HDAC9: variants seen among roughly 807,000 people sequenced by gnomAD.
HDAC9 encodes the protein MEF-2 interacting transcription repressor (MITR) protein.
HDAC9 carries 41 observed loss-of-function variants against 139.4 expected under a neutral mutation model. The ratio of observed to expected loss-of-function variants is 0.29; its 90% CI spans 0.23 to 0.38. The LOEUF is 0.38. Ranked by LOEUF, HDAC9 falls within the 10% of genes least tolerant of loss-of-function variation. The pLI, the probability that HDAC9 is intolerant of heterozygous loss-of-function variation, is 1.00. For missense variants in HDAC9, 1,147 were observed against 1,297.0 expected (o/e 0.88, Z 1.78); for synonymous variants, 517 against 476.2 (o/e 1.09, Z -1.12).
intron 6 of HDAC9, among the ~76,000 whole-genome samples, chr7:18,625,946 C>CAAAAAAAA (rs11312304): frequency 1.6e-5 from 1 of 60,944 alleles, no homozygotes; most frequent in African/African-American, 8.5e-5. Context: ...GACTCCATCT[C>CAAAAAAAA]AAAAAAAAAA....
intron 6 of HDAC9, among the ~76,000 whole-genome samples, chr7:18,606,792 T>C (rs1409880551): frequency 6.6e-6 from 1 of 152,166 alleles, no homozygotes; most frequent in Non-Finnish European, 1.5e-5. Context: ...AAAGAACATA[T>C]TTAGTTGATT....
intron 2 of HDAC9, among the ~76,000 whole-genome samples, chr7:18,534,727 A>C (rs1291506172): frequency 6.6e-6 from 1 of 152,088 alleles, no homozygotes; most frequent in African/African-American, 2.4e-5. Context: ...GTGGAACTGC[A>C]CTCGATCCAC....
intron 23 of HDAC9, among the ~76,000 whole-genome samples, chr7:18,937,316 G>A (rs1781713534): frequency 1.3e-5 from 2 of 152,058 alleles, no homozygotes; most frequent in African/African-American, 4.8e-5. Context: ...GGAATTACAG[G>A]CCTGAACCAC....
At position 18,575,379 on chromosome 7, in the gene HDAC9, G is replaced by C. The variant is rs114971219; in HGVS notation, c.23-9902G>C. 5.4e-3 allele frequency among the ~76,000 whole-genome samples: 827 copies of C among 152,264 alleles called. 8 individuals carry two copies. Among genetic ancestry groups the C allele is most frequent in the African/African-American group, 0.019 (801 of 41,556 alleles). On this transcript the variant is annotated intron_variant, in intron 2 of 25. Transcript: ENST00000686413. ...TCTTAGCTTAGCTTGCAGCTTACCA[G>C]TTCTGGTGTAATTTTCAGTAATATA...
chr7:18,475,569 T>A (rs1795052441), intron 1 of HDAC9, among the ~76,000 whole-genome samples: 1 of 152,184 alleles, frequency 6.6e-6, no homozygotes, highest in African/African-American at 2.4e-5. Context: ...AACATGGAGA[T>A]GCATTTTTTT....
At chr7:18,489,163 T>G (rs1796185548) in intron 1 of HDAC9, among the ~76,000 whole-genome samples, 1 of 152,072 alleles carries the variant, frequency 6.6e-6, no homozygotes, top group Non-Finnish European at 1.5e-5. Flanking sequence ...AGTGACATAC[T>G]ATGTGCCAGA....
chr7:18,588,110 A>C lies in HDAC9; in HGVS notation c.265-2226A>C, dbSNP rs141624877. ...TGAAGAGTAACCAGAAATGCTTCTAACTATGTCCTTCTGGGAGTAATAAGG... is the reference window on the plus strand; with the variant it reads ...TGAAGAGTAACCAGAAATGCTTCTACCTATGTCCTTCTGGGAGTAATAAGG... On this transcript the variant is annotated intron_variant, in intron 3 of 25. Coordinates refer to ENST00000686413, the MANE Select transcript of HDAC9 (RefSeq NM_178425.4). Among the ~76,000 whole-genome samples, 832 of 152,330 alleles carry C rather than the reference A, an allele frequency of 5.5e-3. 7 individuals carry two copies. Among genetic ancestry groups the C allele is most frequent in the African/African-American group, 0.019 (790 of 41,562 alleles).
intron 1 of HDAC9, among the ~76,000 whole-genome samples, chr7:18,107,459 A>T (rs2128078863): frequency 6.6e-6 from 1 of 152,256 alleles, no homozygotes; most frequent in Middle Eastern, 3.4e-3. Context: ...ATTTTAAGAA[A>T]TGCCTAATTA....
chr7:18,883,403 G>A (rs1268823262), intron 22 of HDAC9, among the ~76,000 whole-genome samples: 1 of 152,102 alleles, frequency 6.6e-6, no homozygotes, highest in Middle Eastern at 3.2e-3. Context: ...ATCCACAAAT[G>A]TGTTATACCT....
chr7:18,892,203 C>G (rs563631575), intron 22 of HDAC9: 1 of 152,246 alleles, frequency 6.6e-6, no homozygotes, highest in South Asian at 2.1e-4. Context: ...CAGTCGTCAT[C>G]TGGAAAATGA....
upstream of HDAC9, among the ~76,000 whole-genome samples, chr7:18,490,756 C>T (rs539802372): frequency 3.3e-5 from 5 of 152,118 alleles, no homozygotes; most frequent in South Asian, 1.0e-3. Flanking sequence ...AGCTCACTGA[C>T]TGCAGGCAAA....
intron 2 of HDAC9, among the ~76,000 whole-genome samples, chr7:18,510,970 G>A (rs113378825): frequency 9.1e-4 from 139 of 152,224 alleles, no homozygotes; most frequent in South Asian, 5.6e-3. Context: ...AATTGAGTTC[G>A]TTGATAATAG....
chr7:18,537,917 T>G (rs1409229360), intron 2 of HDAC9, among the ~76,000 whole-genome samples: 1 of 152,230 alleles, frequency 6.6e-6, no homozygotes, highest in African/African-American at 2.4e-5. Context: ...AGGCCTCAGT[T>G]GATGGGCCTT....
At chr7:18,472,100 T>C (rs1447185375) in intron 1 of HDAC9, among the ~76,000 whole-genome samples, 1 of 152,210 alleles carries the variant, frequency 6.6e-6, no homozygotes, top group Non-Finnish European at 1.5e-5. Context: ...GAAGATTTGA[T>C]TTGGAGCCTT....
At chr7:18,698,254 T>C (rs1396004021) in intron 12 of HDAC9, among the ~76,000 whole-genome samples, 3 of 152,316 alleles carry the variant, frequency 2.0e-5, no homozygotes, top group African/African-American at 7.2e-5. Flanking sequence ...GTTCTAAAAT[T>C]CGTCATTCTT....
intron 16 of HDAC9, among the ~76,000 whole-genome samples, chr7:18,770,138 G>A (rs1419937102): frequency 6.6e-6 from 1 of 152,062 alleles, no homozygotes; most frequent in Non-Finnish European, 1.5e-5. Context: ...TGTTGGTCAA[G>A]CAGCTCAGTG....
intron 1 of HDAC9, among the ~76,000 whole-genome samples, chr7:18,302,080 T>C (rs545200521): frequency 6.6e-6 from 1 of 152,186 alleles, no homozygotes; most frequent in Non-Finnish European, 1.5e-5. Context: ...TTACCATCAG[T>C]TGGTGATTTC....
chr7:18,373,745 C>T (rs758980072), intron 1 of HDAC9, among the ~76,000 whole-genome samples: 2 of 152,018 alleles, frequency 1.3e-5, no homozygotes, highest in Non-Finnish European at 2.9e-5. Context: ...CTTTTCTAAT[C>T]ATTGACATTT....
chr7:18,175,754 T>C (rs975557026), intron 2 of HDAC9, among the ~76,000 whole-genome samples: 2 of 147,432 alleles, frequency 1.4e-5, no homozygotes, highest in Admixed American at 1.4e-4. Context: ...AGGTAATCTG[T>C]AAAATTATTT....
Sources: allele counts gnomAD v4.1 joint callset (sites outside exome capture counted in the v4.1 genomes callset), GRCh38; gene constraint gnomAD v4.1.1; transcripts MANE v1.5; gene names NCBI Gene and HGNC (gene_info 2026-07-23, HGNC 2026-07-21).